Variants in MBNL2 observed in about 807,000 individuals in gnomAD.
MBNL2 encodes the protein muscleblind-like protein 2.
MBNL2 carries 17 observed loss-of-function variants against 41.9 expected under a neutral mutation model. The ratio of observed to expected loss-of-function variants is 0.41; its 90% CI spans 0.28 to 0.61. The LOEUF (loss-of-function observed/expected upper bound fraction) is 0.61. Ranked by LOEUF, MBNL2 falls within the 20% of genes least tolerant of loss-of-function variation. The pLI, the probability that MBNL2 is intolerant of heterozygous loss-of-function variation, is 0.35. For missense variants in MBNL2, 336 were observed against 505.6 expected, an observed-to-expected ratio of 0.66 and a Z score of 3.22; for synonymous variants, 195 against 182.9, an observed-to-expected ratio of 1.07 and a Z score of -0.53.
At chr13:97,382,915 T>C (rs2065603528) in intron 8 of MBNL2, among the ~76,000 whole-genome samples, 1 of 152,158 alleles carries the variant, frequency 6.6e-6, no homozygotes. Context: ...TTACCTTTTC[T>C]GGCACCTGCT....
the MBNL2 span, among the ~76,000 whole-genome samples, chr13:97,153,085 A>C: frequency 6.6e-6 from 1 of 152,312 alleles, no homozygotes; most frequent in Middle Eastern, 3.4e-3. Flanking sequence ...CACATAGAAA[A>C]CCAAGCAGCA....
the MBNL2 span, among the ~76,000 whole-genome samples, chr13:97,161,710 A>T: frequency 6.6e-6 from 1 of 152,236 alleles, no homozygotes; most frequent in African/African-American, 2.4e-5. Context: ...CTGATAGAAT[A>T]TAAACATTCC....
chr13:97,320,512 T>C (rs567248604), intron 2 of MBNL2, among the ~76,000 whole-genome samples: 77 of 151,658 alleles, frequency 5.1e-4, no homozygotes, highest in African/African-American at 1.7e-3. Context: ...CACCTCAGGC[T>C]CCCAAAGTGC....
At chr13:97,176,221 G>A in the MBNL2 span, among the ~76,000 whole-genome samples, 1 of 152,150 alleles carries the variant, frequency 6.6e-6, no homozygotes, top group Non-Finnish European at 1.5e-5. Context: ...AGAATTAGCA[G>A]GGATATATTA....
intron 2 of MBNL2, among the ~76,000 whole-genome samples, chr13:97,318,400 GC>G (rs2059231079): frequency 6.6e-6 from 1 of 152,064 alleles, no homozygotes; most frequent in African/African-American, 2.4e-5. Flanking sequence ...ATCTCCTCAG[GC>G]CTCAGTTCTC....
chr13:97,215,964 C>T, the MBNL2 span, among the ~76,000 whole-genome samples: 2 of 152,146 alleles, frequency 1.3e-5, no homozygotes, highest in African/African-American at 4.8e-5. Flanking sequence ...CTGCTATGTA[C>T]CATGTTCTAT....
chr13:97,279,507 A>G (rs2052906202), intron 2 of MBNL2, among the ~76,000 whole-genome samples: 2 of 152,246 alleles, frequency 1.3e-5, no homozygotes, highest in African/African-American at 4.8e-5. Context: ...CTTTAAAGGC[A>G]AGATCTTGTG....
intron 8 of MBNL2, among the ~76,000 whole-genome samples, chr13:97,376,256 C>A (rs1461889046): frequency 6.6e-6 from 1 of 152,200 alleles, no homozygotes; most frequent in Non-Finnish European, 1.5e-5. Context: ...CACCCAGAGG[C>A]TGTTCTCTGA....
chr13:97,371,715 A>G (rs142494300), intron 8 of MBNL2, among the ~76,000 whole-genome samples: 76 of 152,322 alleles, frequency 5.0e-4, no homozygotes, highest in African/African-American at 1.8e-3. Flanking sequence ...AACTGGGACA[A>G]TGGCAGCTGG....
chr13:97,157,879 G>A, the MBNL2 span, among the ~76,000 whole-genome samples: 233 of 151,740 alleles, frequency 1.5e-3, 1 homozygote, highest in African/African-American at 5.2e-3. Context: ...GTCTCTGCCC[G>A]GATTTGGTAT....
chr13:97,349,952 G>T (rs1023693979), intron 5 of MBNL2, among the ~76,000 whole-genome samples: 3 of 152,156 alleles, frequency 2.0e-5, no homozygotes, highest in Non-Finnish European at 4.4e-5. Context: ...GAAGTTAAAG[G>T]TCATTTTGGT....
chr13:97,242,102 G>A (rs1454076935), intron 1 of MBNL2, among the ~76,000 whole-genome samples: 1 of 152,076 alleles, frequency 6.6e-6, no homozygotes, highest in African/African-American at 2.4e-5. Flanking sequence ...TCAACCCTGG[G>A]CTAGCTGCAG....
chr13:97,222,512 G>A lies in MBNL2; in HGVS notation c.-624G>A. On this transcript the variant is annotated 5_prime_UTR_variant, in exon 1 of 9. Coordinates refer to ENST00000679496, the MANE Select transcript of MBNL2 (RefSeq NM_001382683.1). Reference sequence around the variant, plus strand: ...TCCTGGGGTTACTGTAAATGGGAAGGACAGGCAGAGCTAAACAAGGTAGGA... The same window carrying A: ...TCCTGGGGTTACTGTAAATGGGAAGAACAGGCAGAGCTAAACAAGGTAGGA... 1 of 398,578 alleles carries A rather than the reference G, an allele frequency of 2.5e-6. No individual in the cohort carries two copies. The allele number at this position is 398,578 out of a possible 1,614,324, so 24.7% of individuals were successfully genotyped here. A position where few individuals can be genotyped will look rare whatever the true frequency, so the allele number is the denominator to read the frequency against.
In MBNL2 at chr13:97,334,591, G is replaced by A. The variant is rs2060721891; in HGVS notation, c.339+151G>A. The A allele has an allele frequency of 6.5e-6, 3 of 464,916 alleles. No homozygotes were observed. The highest frequency in any genetic ancestry group is 1.1e-5 in the Non-Finnish European group (3 of 270,242). 28.8% of individuals were successfully genotyped at this position (464,916 alleles called of 1,614,324 possible). ...AAGCTCAATAGATGAAGGAAAATAGGCTTTTAAAAAAATTAATAGAAAAAT... is the reference window on the plus strand; with the variant it reads ...AAGCTCAATAGATGAAGGAAAATAGACTTTTAAAAAAATTAATAGAAAAAT... On this transcript the variant is annotated intron_variant, in intron 3 of 8. Coordinates refer to ENST00000679496, the MANE Select transcript of MBNL2 (RefSeq NM_001382683.1). The surrounding 1 kb of genome is among the most constrained non-coding windows in gnomAD (Gnocchi z 5.3).
At chr13:97,146,263 A>G in the MBNL2 span, among the ~76,000 whole-genome samples, 2 of 151,828 alleles carry the variant, frequency 1.3e-5, no homozygotes, top group African/African-American at 4.8e-5. Flanking sequence ...GGCCTCCCAA[A>G]GTGCTGGCAT....
intron 7 of MBNL2, among the ~76,000 whole-genome samples, chr13:97,361,955 TAG>T: frequency 6.6e-6 from 1 of 151,816 alleles, no homozygotes; most frequent in South Asian, 2.1e-4. Context: ...GTATTTTTCG[TAG>T]AGACAGGATT....
chr13:97,332,041 A>G (rs970547016), intron 2 of MBNL2, among the ~76,000 whole-genome samples: 2 of 152,220 alleles, frequency 1.3e-5, no homozygotes, highest in Admixed American at 1.3e-4. Context: ...GAGTGAATAC[A>G]ATATAACAGC....
At chr13:97,199,805 A>G in the MBNL2 span, among the ~76,000 whole-genome samples, 1 of 152,206 alleles carries the variant, frequency 6.6e-6, no homozygotes, top group Non-Finnish European at 1.5e-5. Flanking sequence ...TAGTTTTCTT[A>G]TCTTATAGGG....
chr13:97,367,828 G>A (rs74106943), intron 8 of MBNL2, among the ~76,000 whole-genome samples: 4,312 of 152,112 alleles, frequency 0.028, 222 homozygotes, highest in African/African-American at 0.1. Flanking sequence ...AATGCCAACC[G>A]GTCCTCTAAG....
Sources: gnomAD v4.1 joint callset for allele counts (sites outside exome capture counted in the v4.1 genomes callset) on GRCh38, gnomAD v4.1.1 for gene constraint, Gnocchi (gnomAD v3.1) non-coding constraint, MANE v1.5 for transcripts, NCBI Gene and HGNC (gene_info 2026-07-23, HGNC 2026-07-21) for gene names.